CCDC186: variants seen among roughly 807,000 people sequenced by gnomAD.
CCDC186 encodes the protein coiled-coil domain containing 186.
In CCDC186, 49 loss-of-function variants were observed where a neutral mutation model predicts 113.7. The observed-to-expected ratio is 0.43, with a 90% CI of 0.34 to 0.55. The LOEUF (loss-of-function observed/expected upper bound fraction) is 0.55, where lower values mean the gene tolerates loss of function less well. Among genes scored for constraint, CCDC186 ranks in the 20% least tolerant of loss-of-function variants. The pLI is 0.02. For synonymous variants in CCDC186, 355 were observed against 345.8 expected (o/e 1.03, Z -0.30); for missense variants, 890 against 1,011.1 (o/e 0.88, Z 1.62).
chr10:114,129,608 C>T (rs1817719365), intron 13 of CCDC186, among the ~76,000 whole-genome samples: 1 of 152,154 alleles, frequency 6.6e-6, no homozygotes, highest in Admixed American at 6.5e-5. Context: ...GCGATCTCAG[C>T]TCACTGCAAC....
chr10:114,126,038 T>C lies in CCDC186; in HGVS notation c.2461A>G (p.Lys821Glu), dbSNP rs765719498. 2 of 1,614,074 alleles carry C rather than the reference T, an allele frequency of 1.2e-6. No homozygotes were observed. Among genetic ancestry groups the C allele is most frequent in the African/African-American group, 1.3e-5 (1 of 75,060 alleles). Reference protein sequence around the residue: ...TLSSEASDFNKVHLSRRGGIM... With the variant: ...TLSSEASDFNEVHLSRRGGIM... The stretch of plus-strand genomic sequence containing the variant: ...CCACCCCGTCTACTTAAATGAACTT[T>C]GTTAAAATCAGATGCCTCTGAAGAA... Residue 821 changes from lysine to glutamate, a missense_variant, in exon 15 of 16, where the codon AAA (lysine) becomes GAA (glutamate). Coordinates refer to ENST00000369287, the MANE Select transcript of CCDC186 (RefSeq NM_018017.4).
intron 6 of CCDC186, among the ~76,000 whole-genome samples, chr10:114,140,571 T>C (rs997175181): frequency 9.2e-5 from 14 of 152,220 alleles, no homozygotes; most frequent in Admixed American, 2.6e-4. Context: ...GTTCAAGATG[T>C]TGGATGTCAA....
chr10:114,149,806 AAGGAAGGAAGGC>A (rs1302480555), intron 4 of CCDC186, among the ~76,000 whole-genome samples: 1 of 92,100 alleles, frequency 1.1e-5, no homozygotes, highest in Non-Finnish European at 2.3e-5. Context: ...GGAAGGAAGG[AAGGAAGGAAGGC>A]AGGAAGGCAG....
rs748728094 is a variant in CCDC186 at position 114,136,251 on chromosome 10, T to C, written c.1327-5A>G. ...TGATTTAATTTCTTCTGACTCCTAG[T>C]GGAAAGAAAACAAAAAAAGTGTGAC... On this transcript the variant is annotated splice_polypyrimidine_tract_variant and splice_region_variant and intron_variant, in intron 7 of 15. Coordinates refer to ENST00000369287, the MANE Select transcript of CCDC186 (RefSeq NM_018017.4). 8 of 1,604,776 alleles carry C rather than the reference T, an allele frequency of 5.0e-6. No individual in the cohort carries two copies. In the Admixed American group the frequency reaches 6.7e-5, roughly 14 times the overall value.
At chr10:114,145,960 T>A (rs766755601) in intron 4 of CCDC186, among the ~76,000 whole-genome samples, 199 bp from the exon 5 acceptor site, 1 of 152,194 alleles carries the variant, frequency 6.6e-6, no homozygotes, top group East Asian at 1.9e-4. Flanking sequence ...TCCCTAGCAT[T>A]TGCCTTTACC....
At chr10:114,129,828 C>T in intron 13 of CCDC186, 63 bp downstream of exon 13, 1 of 1,503,156 alleles carries the variant, frequency 6.7e-7, no homozygotes, top group Non-Finnish European at 9.2e-7. Context: ...TCACACCTGG[C>T]CAAAAATGCT....
intron 11 of CCDC186, 114 bp from the exon 12 acceptor site, chr10:114,131,450 T>A: frequency 1.1e-6 from 1 of 878,740 alleles, no homozygotes; most frequent in Non-Finnish European, 1.6e-6. Flanking sequence ...TCTTCTATTA[T>A]TATTCCTTAT....
intron 5 of CCDC186, among the ~76,000 whole-genome samples, chr10:114,145,334 C>CACTTATTT (rs1449753329): frequency 9.5e-5 from 11 of 115,580 alleles, no homozygotes; most frequent in Non-Finnish European, 2.0e-4. Flanking sequence ...CATGTGCCAA[C>CACTTATTT]ACTTATTTTT....
chr10:114,145,779 CT>C lies in CCDC186; in HGVS notation c.889-19del, dbSNP rs748473342. The stretch of plus-strand genomic sequence containing the variant: ...TTGTTGGCCTTCAAAAAAAATATTA[CT>C]TAGCATTAATGAAAAATAATGTTTC... On this transcript the variant is annotated intron_variant, in intron 4 of 15. Transcript: ENST00000369287. 9 of 1,557,458 alleles carry C rather than the reference CT, an allele frequency of 5.8e-6. No individual in the cohort carries two copies. The highest frequency in any genetic ancestry group is 7.8e-6 in the Non-Finnish European group (9 of 1,158,422).
At chr10:114,140,430 G>T (rs1056754366) in intron 6 of CCDC186, among the ~76,000 whole-genome samples, 9 of 152,216 alleles carry the variant, frequency 5.9e-5, no homozygotes, top group Non-Finnish European at 1.0e-4. Context: ...ATTGACATAG[G>T]AAAGCAATGG....
chr10:114,160,646 C>T (rs901808716), intron 2 of CCDC186, among the ~76,000 whole-genome samples: 1 of 151,772 alleles, frequency 6.6e-6, no homozygotes, highest in African/African-American at 2.4e-5. Flanking sequence ...TAAATATATA[C>T]AATTTTATCA....
intron 13 of CCDC186, among the ~76,000 whole-genome samples, chr10:114,129,211 C>T (rs2031007172): frequency 6.6e-6 from 1 of 151,808 alleles, no homozygotes; most frequent in African/African-American, 2.4e-5. Flanking sequence ...CCTATAGTTC[C>T]GGTTACTTGA....
rs1427429266 is a variant in CCDC186 at position 114,150,974 on chromosome 10, G to GA, written c.888+117dup. The GA allele has an allele frequency of 4.2e-6, 5 of 1,188,826 alleles. No individual in the cohort carries two copies. In the African/African-American group the frequency reaches 7.9e-5, roughly 19 times the overall value. 73.6% of individuals were successfully genotyped at this position (1,188,826 alleles called of 1,614,324 possible). A position where few individuals can be genotyped will look rare whatever the true frequency, so the allele number is the denominator to read the frequency against. On this transcript the variant is annotated intron_variant, in intron 4 of 15. Transcript: ENST00000369287. ...CCTAATGGCTTACTTTTATATAAAA[G>GA]AATCACCTAGTATTAATACAATAGT...
At chr10:114,171,035 C>G (rs2032480117) in intron 1 of CCDC186, among the ~76,000 whole-genome samples, 1 of 152,136 alleles carries the variant, frequency 6.6e-6, no homozygotes, top group African/African-American at 2.4e-5. Context: ...TTTTACATGT[C>G]TCCTATAAAT....
At chr10:114,158,560 C>T (rs1265614888) in intron 2 of CCDC186, among the ~76,000 whole-genome samples, 3 of 148,820 alleles carry the variant, frequency 2.0e-5, no homozygotes, top group African/African-American at 5.0e-5. Flanking sequence ...TTCTGTTTTA[C>T]GAATTAAAAA....
At chr10:114,156,037 T>C (rs2032000709) in intron 3 of CCDC186, among the ~76,000 whole-genome samples, 1 of 152,216 alleles carries the variant, frequency 6.6e-6, no homozygotes, top group African/African-American at 2.4e-5. Context: ...GGTTCCATTG[T>C]ACCTGTTCGG....
At chr10:114,164,324 G>C (rs561385139) in intron 1 of CCDC186, among the ~76,000 whole-genome samples, 7 of 151,520 alleles carry the variant, frequency 4.6e-5, no homozygotes, top group Admixed American at 3.3e-4. Context: ...GGTTTCACCA[G>C]GTTGGCCAGG....
rs539984632 is a variant in CCDC186, at chr10:114,124,787, G to A, written c.*356C>T. The A allele has an allele frequency of 1.7e-5, 3 of 177,112 alleles. No individual in the cohort carries two copies. The highest frequency in any genetic ancestry group is 7.0e-5 in the African/African-American group (3 of 42,592). The allele number at this position is 177,112 out of a possible 1,614,324, so 11.0% of individuals were successfully genotyped here. A position where few individuals can be genotyped will look rare whatever the true frequency, so the allele number is the denominator to read the frequency against. ...TGTTTTCATGCATAATTTTTAAAAG[G>A]TGAGTCATTTTTGACATTACATATT... On this transcript the variant is annotated 3_prime_UTR_variant, in exon 16 of 16. Coordinates refer to ENST00000369287, the MANE Select transcript of CCDC186 (RefSeq NM_018017.4).
chr10:114,136,258 A>C lies in CCDC186; in HGVS notation c.1327-12T>G. ...ATTTCTTCTGACTCCTAGTGGAAAG[A>C]AAACAAAAAAAGTGTGACAATTTTT... On this transcript the variant is annotated splice_polypyrimidine_tract_variant and intron_variant, in intron 7 of 15. Transcript: ENST00000369287. The C allele has an allele frequency of 6.3e-7, 1 of 1,594,096 alleles. No individual in the cohort carries two copies. Among genetic ancestry groups the C allele is most frequent in the Admixed American group, 1.7e-5 (1 of 59,176 alleles).
Sources: allele counts gnomAD v4.1 joint callset (sites outside exome capture counted in the v4.1 genomes callset), GRCh38; gene constraint gnomAD v4.1.1; transcripts MANE v1.5; gene names NCBI Gene and HGNC (gene_info 2026-07-23, HGNC 2026-07-21).